The following ARHGAP4 variants were observed in gnomAD, a reference collection of about 807,000 sequenced individuals.
ARHGAP4 encodes Rho GTPase activating protein 4, also known as rho GTPase-activating protein 4.
In ARHGAP4, 25 loss-of-function variants were observed where a neutral mutation model predicts 67.6. The observed-to-expected ratio is 0.37, with a 90% CI of 0.27 to 0.52. ARHGAP4 has a LOEUF of 0.52. ARHGAP4 is among the 20% of genes least tolerant of loss of function. The pLI, the probability that ARHGAP4 is intolerant of heterozygous loss-of-function variation, is 0.92. For missense variants in ARHGAP4, 804 were observed against 854.6 expected (o/e 0.94, Z 0.74); for synonymous variants, 448 against 373.7 (o/e 1.20, Z -2.29).
Position 153,910,568 on chromosome X carries a change from C to G in ARHGAP4, c.1860G>C (p.Leu620=). The G allele has an allele frequency of 8.3e-7, 1 of 1,208,619 alleles. No individual in the cohort carries two copies. The highest frequency in any genetic ancestry group is 1.8e-5 in the South Asian group (1 of 56,813). The change falls in exon 16 of 22, where the codon CTG becomes CTC. Residue 620 remains leucine, a synonymous_variant. Coordinates refer to ENST00000350060, the MANE Select transcript of ARHGAP4 (RefSeq NM_001666.5). ...GCACCGGCGCGGGCAGCCGCCACAG[C>G]AGGCGGCTCACGTGCTCCACCCTCT... is the stretch of plus-strand genomic sequence containing the variant. ...TAERVEHVSR[L]LWRLPAPVLV...
chrX:153,919,061 G>A lies in ARHGAP4; in HGVS notation c.811-8C>T, dbSNP rs201489388. 1.7e-5 allele frequency: 21 copies of A among 1,208,400 alleles called. No homozygotes were observed. The East Asian group carries it at 3.9e-4, about 22-fold the overall frequency. On this transcript the variant is annotated splice_region_variant and splice_polypyrimidine_tract_variant and intron_variant, in intron 6 of 21. Transcript: ENST00000350060. ...GAACCCTGTGTCACAGCACTGAGGA[G>A]GAAACAAGGAGATGCTTGGGTAGGT...
At chrX:153,922,963 G>A (rs1382188454) in intron 1 of ARHGAP4, among the ~76,000 whole-genome samples, 2 of 110,910 alleles carry the variant, frequency 1.8e-5, no homozygotes, top group Admixed American at 9.6e-5. Context: ...GGGACAGGGA[G>A]GACCTCTTTT....
chrX:153,909,898 C>T lies in ARHGAP4; in HGVS notation c.2257G>A (p.Ala753Thr), dbSNP rs1557102455. ...DDLEGVVEAVACFAYTGRTAQ... is the reference protein window; with the variant it reads ...DDLEGVVEAVTCFAYTGRTAQ... ...GTGCGGCCCGTGTAGGCAAAGCAGG[C>T]CACAGCCTCCACGACCCCCTCCAGG... The change falls in exon 19 of 22, where the codon GCC (alanine) becomes ACC (threonine). Residue 753 changes from alanine to threonine, a missense_variant. Physicochemically the swap from Ala to Thr is moderately conservative, Grantham distance 58. Around this residue, in one of 2 missense-constraint regions of ARHGAP4, gnomAD observed 400 missense variants for 348.7 expected, o/e 1.15. Transcript: ENST00000350060. 8.3e-7 allele frequency: 1 copy of T among 1,204,291 alleles called. No homozygotes were observed. Among genetic ancestry groups the T allele is most frequent in the Non-Finnish European group, 1.1e-6 (1 of 892,330 alleles).
At chrX:153,910,642 G>A (rs782125674) in intron 15 of ARHGAP4, 31 bp from the exon 16 acceptor site, 9 of 1,187,496 alleles carry the variant, frequency 7.6e-6, no homozygotes, top group Non-Finnish European at 9.1e-6. Context: ...AGAGAGCCGC[G>A]TGAGCGGGGC....
At chrX:153,910,863 G>A in intron 14 of ARHGAP4, 29 bp from the exon 15 acceptor site, 1 of 1,185,488 alleles carries the variant, frequency 8.4e-7, no homozygotes, top group Non-Finnish European at 1.1e-6. Context: ...TGCGGTAGGG[G>A]GAGGAAGCTG....
At chrX:153,923,419 G>A (rs998812433) in intron 1 of ARHGAP4, among the ~76,000 whole-genome samples, 5 of 111,804 alleles carry the variant, frequency 4.5e-5, no homozygotes, top group Non-Finnish European at 7.5e-5. Context: ...CCTAGTCTCA[G>A]CCCCCTTGAC....
intron 21 of ARHGAP4, among the ~76,000 whole-genome samples, chrX:153,908,647 T>C (rs1423097035): frequency 9.2e-6 from 1 of 108,441 alleles, no homozygotes; most frequent in Non-Finnish European, 1.9e-5. Flanking sequence ...TCTGTCCCTT[T>C]CATCCTCCCT....
Position 153,913,465 on chromosome X carries a change from G to C in ARHGAP4, c.1270C>G (p.Arg424Gly). Residue 424 changes from arginine (R) to glycine (G), a missense_variant, in exon 9 of 22, where the codon CGG becomes GGG. Transcript: ENST00000350060. ...TGGCCGCGCCTCCGGCCCGCCTGCC[G>C]GCTGCCTGGGTCTGAGCTGGTGGAC... ...LKSTSSDPGS[R>G]QAGRRRGQQQ... The C allele has an allele frequency of 8.3e-7, 1 of 1,211,816 alleles. No homozygotes were observed. Among genetic ancestry groups the C allele is most frequent in the Non-Finnish European group, 1.1e-6 (1 of 895,474 alleles).
chrX:153,917,816 C>T lies in ARHGAP4; in HGVS notation c.1032+1016G>A, dbSNP rs187667220. ...TTTTCAGATGTGCAAAGTCAGGAAA[C>T]CCTTGGTGAAGGTGTCACCAAAATA... On this transcript the variant is annotated intron_variant, in intron 7 of 21. Coordinates refer to ENST00000350060, the MANE Select transcript of ARHGAP4 (RefSeq NM_001666.5). Among the ~76,000 whole-genome samples the T allele has an allele frequency of 3.6e-3, 399 of 112,236 alleles. 1 individual carries two copies. The highest frequency in any genetic ancestry group is 5.5e-3 in the Non-Finnish European group (293 of 53,194).
intron 20 of ARHGAP4, 114 bp downstream of exon 20, chrX:153,909,329 G>A: frequency 1.1e-6 from 1 of 898,908 alleles, no homozygotes. Context: ...GGGTCATTCT[G>A]TCACGTCCTC....
In ARHGAP4 at chrX:153,910,788, C is replaced by T. The variant is rs782727560; in HGVS notation, c.1728G>A (p.Ser576=). 8 of 1,191,969 alleles carry T rather than the reference C, an allele frequency of 6.7e-6. No individual in the cohort carries two copies. The highest frequency in any genetic ancestry group is 5.6e-5 in the South Asian group (3 of 53,352). ...VEGCTAHDLD[S]VAGVLKLYFR... ...AGTAGAGCTTCAGCACCCCGGCCAC[C>T]GAGTCCAGGTCATGGGCAGTGCAGC... Residue 576 remains serine, a synonymous_variant, in exon 15 of 22, where the codon TCG becomes TCA. Transcript: ENST00000350060.
intron 17 of ARHGAP4, 24 bp from the exon 18 acceptor site, chrX:153,910,109 C>T (rs782777530): frequency 2.5e-6 from 3 of 1,210,892 alleles, no homozygotes; most frequent in Non-Finnish European, 2.2e-6. Flanking sequence ...CAGAGCGAGG[C>T]AGATGAGGGG....
At chrX:153,908,956 T>G in intron 21 of ARHGAP4, 114 bp downstream of exon 21, 6 of 790,910 alleles carry the variant, frequency 7.6e-6, no homozygotes, top group Non-Finnish European at 1.1e-5. Context: ...TCCCTTGAGC[T>G]AAGGCCAGGG....
At position 153,921,463 on chromosome X, in the gene ARHGAP4, G is replaced by C. The variant is rs781924606; in HGVS notation, c.337C>G (p.Gln113Glu). 8.3e-7 allele frequency: 1 copy of C among 1,203,466 alleles called. No individual in the cohort carries two copies. The highest frequency in any genetic ancestry group is 1.1e-6 in the Non-Finnish European group (1 of 892,070). ...CTCAGGGCCGCGCTCTCCCGGCTCT[G>C]CTGCCGCGTGTGCTGCAGCAGCACC... ...WAVLLQHTRQ[Q>E]SRESAALSEV... Residue 113 changes from glutamine (Q) to glutamate (E), a missense_variant, in exon 3 of 22, where the codon CAG (glutamine) becomes GAG (glutamate). Gln to Glu is a conservative substitution (Grantham distance 29). This residue lies in a region of ARHGAP4 where 404 missense variants were observed against 505.9 expected (regional missense o/e 0.80). Transcript: ENST00000350060.
At chrX:153,919,371 C>T (rs2065076762) in intron 5 of ARHGAP4, 88 bp from the exon 6 acceptor site, 1 of 1,194,267 alleles carries the variant, frequency 8.4e-7, no homozygotes, top group Non-Finnish European at 1.1e-6. Flanking sequence ...CGCCTCCCCT[C>T]CCACTGTGGA....
At chrX:153,920,587 G>A (rs781975843) in intron 5 of ARHGAP4, 39 bp downstream of exon 5, 2 of 1,157,252 alleles carry the variant, frequency 1.7e-6, no homozygotes, top group Non-Finnish European at 2.3e-6. Context: ...TAGGGCCCAT[G>A]GCCCATAGGC....
intron 7 of ARHGAP4, among the ~76,000 whole-genome samples, chrX:153,918,412 A>C (rs2065069679): frequency 8.9e-6 from 1 of 112,278 alleles, no homozygotes; most frequent in Non-Finnish European, 1.9e-5. Context: ...GTAAAGTTCC[A>C]AGTCGGCCCG....
chrX:153,907,705 G>C lies in ARHGAP4; in HGVS notation c.*24C>G, dbSNP rs2064980597. ...CCGGTCCAGCGGGTAGCCGCCGGGG[G>C]CACGCATCTCCAGCAGCGGCACCTC... is the stretch of plus-strand genomic sequence containing the variant. On this transcript the variant is annotated 3_prime_UTR_variant, in exon 22 of 22. Transcript: ENST00000350060. 2.3e-6 allele frequency: 2 copies of C among 865,771 alleles called. No homozygotes were observed. Among genetic ancestry groups the C allele is most frequent in the Admixed American group, 7.6e-5 (2 of 26,328 alleles). 71.3% of individuals were successfully genotyped at this position (865,771 alleles called of 1,213,427 possible).
rs1225557778 is a variant in ARHGAP4, at chrX:153,925,938, G to A, written c.67+198C>T. On this transcript the variant is annotated intron_variant, in intron 1 of 21. Coordinates refer to ENST00000350060, the MANE Select transcript of ARHGAP4 (RefSeq NM_001666.5). ...CAAAGGAAGGAAGACAGGAAAGAAGGAAGGGAAAATGGCAGGCGGTTGAGG... is the reference window on the plus strand; with the variant it reads ...CAAAGGAAGGAAGACAGGAAAGAAGAAAGGGAAAATGGCAGGCGGTTGAGG... Among the ~76,000 whole-genome samples, 5 of 113,050 alleles carry A rather than the reference G, an allele frequency of 4.4e-5. No individual in the cohort carries two copies. In the South Asian group the frequency reaches 1.1e-3, roughly 24 times the overall value.
Sources: allele counts gnomAD v4.1 joint callset (sites outside exome capture counted in the v4.1 genomes callset), GRCh38; gene constraint gnomAD v4.1.1; regional missense constraint gnomAD v4.1.1; transcripts MANE v1.5; gene names NCBI Gene and HGNC (gene_info 2026-07-23, HGNC 2026-07-21).